Variants in SYCP2L observed in about 807,000 individuals in gnomAD.
The protein encoded by SYCP2L is synaptonemal complex protein 2 like.
Under a neutral mutation model 125.8 loss-of-function variants are expected in SYCP2L, and 98 were observed. The ratio of observed to expected loss-of-function variants is 0.78; its 90% CI spans 0.66 to 0.92. The LOEUF is 0.92. Ranked by LOEUF, SYCP2L falls within the 40% of genes least tolerant of loss-of-function variation. The pLI, the probability that SYCP2L is intolerant of heterozygous loss-of-function variation, is 0.00. For synonymous variants in SYCP2L, 317 were observed against 325.4 expected, an observed-to-expected ratio of 0.97 and a Z score of 0.28; for missense variants, 842 against 936.4, an observed-to-expected ratio of 0.90 and a Z score of 1.32.
chr6:10,955,984 A>C, intron 24 of SYCP2L, 152 bp from the exon 25 acceptor site: 1 of 602,072 alleles, frequency 1.7e-6, no homozygotes, highest in Admixed American at 2.9e-5. Context: ...AGCACTTTCC[A>C]GAGAGCGAGG....
intron 4 of SYCP2L, among the ~76,000 whole-genome samples, chr6:10,895,480 T>C (rs1028431404): frequency 1.1e-4 from 17 of 152,002 alleles, no homozygotes; most frequent in African/African-American, 4.1e-4. Flanking sequence ...TAAGAGAAAG[T>C]GGAGAGGAAG....
At chr6:10,960,614 G>T (rs369675922) in intron 26 of SYCP2L, among the ~76,000 whole-genome samples, 1 of 152,156 alleles carries the variant, frequency 6.6e-6, no homozygotes, top group South Asian at 2.1e-4. Context: ...GGAAAAGAGT[G>T]TATTAGCTCA....
chr6:10,940,953 C>T (rs891748295), intron 21 of SYCP2L, among the ~76,000 whole-genome samples: 3 of 152,050 alleles, frequency 2.0e-5, no homozygotes, highest in African/African-American at 4.8e-5. Context: ...CTTAAGGTGC[C>T]GATCTAGTTG....
intron 1 of SYCP2L, 145 bp downstream of exon 1, chr6:10,887,280 G>T: frequency 8.8e-7 from 1 of 1,133,130 alleles, no homozygotes; most frequent in Non-Finnish European, 1.3e-6. Context: ...CACCTCCTTG[G>T]GTTTGCTCGG....
At chr6:10,901,474 T>C (rs1475067830) in intron 6 of SYCP2L, among the ~76,000 whole-genome samples, 2 of 152,230 alleles carry the variant, frequency 1.3e-5, no homozygotes, top group Admixed American at 6.5e-5. Context: ...CAAATCTTAC[T>C]TTAGCTCAGG....
intron 14 of SYCP2L, 110 bp downstream of exon 14, chr6:10,913,037 T>C (rs1188813222): frequency 4.9e-6 from 5 of 1,021,232 alleles, no homozygotes; most frequent in Middle Eastern, 2.4e-4. Context: ...TGCCTTGAGG[T>C]AGGAAGGCTG....
chr6:10,920,453 G>C (rs982114337), intron 14 of SYCP2L, among the ~76,000 whole-genome samples: 2 of 152,176 alleles, frequency 1.3e-5, no homozygotes, highest in Non-Finnish European at 2.9e-5. Flanking sequence ...CTGACCTCAA[G>C]TGATCCAACA....
At chr6:10,958,638 G>A in intron 25 of SYCP2L, 146 bp from the exon 26 acceptor site, 1 of 706,234 alleles carries the variant, frequency 1.4e-6, no homozygotes, top group Non-Finnish European at 2.3e-6. Flanking sequence ...CAGGTGTATA[G>A]GATGATGCCT....
At chr6:10,888,258 G>C (rs1035582776) in intron 1 of SYCP2L, among the ~76,000 whole-genome samples, 1 of 151,778 alleles carries the variant, frequency 6.6e-6, no homozygotes. Flanking sequence ...CACCACGCCA[G>C]GGTAATTTTT....
At chr6:10,914,786 A>G (rs1780663729) in intron 14 of SYCP2L, among the ~76,000 whole-genome samples, 1 of 131,020 alleles carries the variant, frequency 7.6e-6, no homozygotes, top group Non-Finnish European at 1.5e-5. Context: ...TCTGTCACCC[A>G]GGCTGGAGTG....
chr6:10,924,461 G>A (rs776842318), intron 14 of SYCP2L, 35 bp from the exon 15 acceptor site: 22 of 1,476,672 alleles, frequency 1.5e-5, no homozygotes, highest in Admixed American at 2.5e-5. Flanking sequence ...ATTGAAGTAT[G>A]TTGCTATGCA....
intron 20 of SYCP2L, among the ~76,000 whole-genome samples, chr6:10,934,196 T>C (rs1344012071): frequency 6.6e-6 from 1 of 152,260 alleles, no homozygotes; most frequent in Admixed American, 6.5e-5. Flanking sequence ...TATTAATGTA[T>C]TTAATGAAAG....
intron 23 of SYCP2L, among the ~76,000 whole-genome samples, chr6:10,945,980 G>A (rs1781309240): frequency 6.6e-6 from 1 of 152,050 alleles, no homozygotes; most frequent in Non-Finnish European, 1.5e-5. Flanking sequence ...ACTGACATAT[G>A]TGTATGTGTT....
In SYCP2L at chr6:10,942,483, G is replaced by A. The variant is rs532468857; in HGVS notation, c.1838G>A (p.Ser613Asn). 6.3e-7 allele frequency: 1 copy of A among 1,597,222 alleles called. No homozygotes were observed. Among genetic ancestry groups the A allele is most frequent in the South Asian group, 1.1e-5 (1 of 87,282 alleles). The change falls in exon 22 of 30, where the codon AGT becomes AAT. Residue 613 changes from serine to asparagine, a missense_variant. By Grantham distance (46) the Ser-to-Asn change is conservative. Transcript: ENST00000283141. Reference sequence around the variant, plus strand: ...GAGCTTCAAGATCCTCACTCACTGAGTGAGCTCTCTTCCTTGAAGCACTCA... The same window carrying A: ...GAGCTTCAAGATCCTCACTCACTGAATGAGCTCTCTTCCTTGAAGCACTCA... ...KTELQDPHSL[S>N]ELSSLKHSED... is the part of the protein sequence containing the mutation.
intron 25 of SYCP2L, 130 bp downstream of exon 25, chr6:10,956,372 CAG>C (rs1781502287): frequency 4.3e-6 from 3 of 698,920 alleles, no homozygotes; most frequent in Admixed American, 2.8e-5. Flanking sequence ...AACTCAGAAA[CAG>C]GGAGGAGAAG....
rs372978842 is a variant in SYCP2L at position 10,955,027 on chromosome 6, G to A, written c.1955-89G>A. ...AGCAACAGGCAGGGGACAAGTTTCAGATGGTACTCTTCACAGTAAGACATT... is the reference window on the plus strand; with the variant it reads ...AGCAACAGGCAGGGGACAAGTTTCAAATGGTACTCTTCACAGTAAGACATT... On this transcript the variant is annotated intron_variant, in intron 23 of 29. Coordinates refer to ENST00000283141, the MANE Select transcript of SYCP2L (RefSeq NM_001040274.3). The A allele has an allele frequency of 3.6e-5, 31 of 866,724 alleles. 1 individual carries two copies. Among genetic ancestry groups the A allele is most frequent in the African/African-American group, 2.1e-4 (13 of 60,500 alleles). The allele number at this position is 866,724 out of a possible 1,614,324, so 53.7% of individuals were successfully genotyped here.
At chr6:10,922,708 G>A (rs566524505) in intron 14 of SYCP2L, 2 of 152,204 alleles carry the variant, frequency 1.3e-5, no homozygotes, top group African/African-American at 4.8e-5. Context: ...CTGGAGTGAT[G>A]AGTAAAATGT....
chr6:10,945,854 A>G (rs1781307389), intron 23 of SYCP2L, among the ~76,000 whole-genome samples: 1 of 151,482 alleles, frequency 6.6e-6, no homozygotes, highest in African/African-American at 2.4e-5. Context: ...CTTATGGCAT[A>G]TTAAAACTCT....
chr6:10,923,974 A>G (rs901827331), intron 14 of SYCP2L, among the ~76,000 whole-genome samples: 10 of 152,160 alleles, frequency 6.6e-5, no homozygotes, highest in African/African-American at 2.2e-4. Flanking sequence ...GTGAGCCACC[A>G]CGCCTGGCCT....
Sources: allele counts gnomAD v4.1 joint callset (sites outside exome capture counted in the v4.1 genomes callset), GRCh38; gene constraint gnomAD v4.1.1; transcripts MANE v1.5; gene names NCBI Gene and HGNC (gene_info 2026-07-23, HGNC 2026-07-21).